HTT: variants seen among roughly 807,000 people sequenced by gnomAD.
HTT encodes the protein huntingtin.
In HTT, 104 loss-of-function variants were observed where a neutral mutation model predicts 362.3. That is an observed-to-expected ratio of 0.29 (90% CI 0.24 to 0.34). The LOEUF is 0.34. HTT is among the 10% of genes least tolerant of loss of function. The pLI is 1.00. For synonymous variants in HTT, 1,577 were observed against 1,548.7 expected (o/e 1.02, Z -0.43); for missense variants, 3,301 against 3,928.6 (o/e 0.84, Z 4.27).
intron 1 of HTT, among the ~76,000 whole-genome samples, chr4:3,082,593 C>T (rs1712970180): frequency 6.6e-6 from 1 of 152,104 alleles, no homozygotes. Flanking sequence ...CTTGACCTGA[C>T]AAATCAGAGT....
Position 3,133,435 on chromosome 4 carries a change from G to T in HTT, c.2493+524G>T, listed in dbSNP as rs898534528. 2.6e-5 allele frequency among the ~76,000 whole-genome samples: 4 copies of T among 151,720 alleles called. No homozygotes were observed. The East Asian group carries it at 5.8e-4, about 22-fold the overall frequency. ...TGCTTGAGCCCCAGAGATCAAGGCT[G>T]CAGTAAGGCGTGGTTACACCACTGC... On this transcript the variant is annotated intron_variant, in intron 18 of 66. Coordinates refer to ENST00000355072, the MANE Select transcript of HTT (RefSeq NM_001388492.1).
intron 23 of HTT, among the ~76,000 whole-genome samples, chr4:3,143,436 CAAAAAAAAAA>C (rs1056047426): frequency 1.4e-5 from 1 of 70,228 alleles, no homozygotes; most frequent in Non-Finnish European, 2.7e-5. Context: ...GACTCTGTCT[CAAAAAAAAAA>C]AAAAAAAAAG....
At chr4:3,141,547 G>T (rs1400685831) in intron 22 of HTT, among the ~76,000 whole-genome samples, 2 of 152,226 alleles carry the variant, frequency 1.3e-5, no homozygotes, top group African/African-American at 2.4e-5. Context: ...CAGGTCGCTT[G>T]AGCTCAGGGG....
At chr4:3,155,901 A>C (rs1233786476) in intron 27 of HTT, among the ~76,000 whole-genome samples, 1 of 151,124 alleles carries the variant, frequency 6.6e-6, no homozygotes, top group Non-Finnish European at 1.5e-5. Flanking sequence ...CCGTCTCAAA[A>C]AAAAAAAAAA....
intron 1 of HTT, among the ~76,000 whole-genome samples, chr4:3,077,825 C>T (rs2110132570): frequency 6.6e-6 from 1 of 152,196 alleles, no homozygotes; most frequent in Middle Eastern, 3.4e-3. Context: ...TCATATTTCT[C>T]TGTATTTTGC....
intron 2 of HTT, among the ~76,000 whole-genome samples, chr4:3,090,894 C>G (rs1713469021): frequency 6.6e-6 from 1 of 152,142 alleles, no homozygotes; most frequent in Admixed American, 6.5e-5. Flanking sequence ...GGCAGATCAC[C>G]TGAGGTCAAG....
chr4:3,223,854 G>C (rs1578604671), intron 55 of HTT, 138 bp from the exon 56 acceptor site: 1 of 848,814 alleles, frequency 1.2e-6, no homozygotes. Context: ...CTCACGGACA[G>C]GTGCTCACTT....
intron 35 of HTT, 102 bp downstream of exon 35, chr4:3,178,548 G>A (rs1164561968): frequency 1.2e-5 from 12 of 975,848 alleles, no homozygotes; most frequent in Non-Finnish European, 1.9e-5. Flanking sequence ...GCAGCCATGT[G>A]CTTCTCAGGC....
At chr4:3,180,728 C>A (rs1476775516) in intron 36 of HTT, 77 bp downstream of exon 36, 1 of 1,322,782 alleles carries the variant, frequency 7.6e-7, no homozygotes, top group East Asian at 2.8e-5. Flanking sequence ...CATGTGGTAA[C>A]GCTCACTGTT....
chr4:3,222,278 T>G (rs2110287608), intron 53 of HTT, 109 bp from the exon 54 acceptor site: 1 of 792,948 alleles, frequency 1.3e-6, no homozygotes, highest in South Asian at 1.6e-5. Context: ...CTCACTGCCC[T>G]TGGCGTGGAG....
chr4:3,182,117 G>A (rs1222651740), intron 36 of HTT, among the ~76,000 whole-genome samples: 4 of 152,288 alleles, frequency 2.6e-5, no homozygotes, highest in African/African-American at 9.6e-5. Context: ...AAATCCTCCT[G>A]AGCAAAGTGT....
At chr4:3,109,161 G>T (rs1024878754) in intron 6 of HTT, among the ~76,000 whole-genome samples, 1 of 151,688 alleles carries the variant, frequency 6.6e-6, no homozygotes, top group Non-Finnish European at 1.5e-5. Context: ...CTTAATCCTT[G>T]TGTCTCACAG....
rs574796214 is a variant in HTT, at chr4:3,122,124, C to T, written c.1273+692C>T. On this transcript the variant is annotated intron_variant, in intron 9 of 66. Transcript: ENST00000355072. Reference sequence around the variant, plus strand: ...TGACTTGAGAAAATCCGTCTGTCCCCAGCTCTGCGTCTGCCTCCACTGCCC... The same window carrying T: ...TGACTTGAGAAAATCCGTCTGTCCCTAGCTCTGCGTCTGCCTCCACTGCCC... Among the ~76,000 whole-genome samples, 27 of 152,346 alleles carry T rather than the reference C, an allele frequency of 1.8e-4. No homozygotes were observed. In the South Asian group the frequency reaches 5.4e-3, roughly 30 times the overall value.
intron 21 of HTT, among the ~76,000 whole-genome samples, chr4:3,140,278 A>G (rs574184772): frequency 1.3e-5 from 2 of 150,824 alleles, no homozygotes; most frequent in Non-Finnish European, 3.0e-5. Flanking sequence ...AAAAAAAAAG[A>G]AAAAAAGAAA....
At chr4:3,080,219 C>T (rs1036815836) in intron 1 of HTT, among the ~76,000 whole-genome samples, 1 of 152,190 alleles carries the variant, frequency 6.6e-6, no homozygotes, top group South Asian at 2.1e-4. Context: ...CTCAGCCTCC[C>T]AAGTAACTGG....
intron 11 of HTT, among the ~76,000 whole-genome samples, chr4:3,126,123 G>A (rs1715508749): frequency 1.3e-5 from 2 of 152,160 alleles, no homozygotes; most frequent in Non-Finnish European, 2.9e-5. Context: ...TGTGCTCTTG[G>A]TGCACTGCAG....
intron 55 of HTT, 44 bp downstream of exon 55, chr4:3,223,604 G>A (rs2110289083): frequency 2.0e-6 from 3 of 1,528,148 alleles, no homozygotes; most frequent in Non-Finnish European, 2.7e-6. Context: ...AGCAGGTGCT[G>A]GGGACAGTGG....
At chr4:3,164,609 T>C (rs529316473) in intron 29 of HTT, among the ~76,000 whole-genome samples, 62 of 152,310 alleles carry the variant, frequency 4.1e-4, no homozygotes, top group South Asian at 2.1e-3. Context: ...TGCTCCTGTA[T>C]TGGGGGCGTG....
intron 37 of HTT, among the ~76,000 whole-genome samples, chr4:3,185,151 A>G (rs115163686): frequency 5.3e-4 from 81 of 152,314 alleles, no homozygotes; most frequent in African/African-American, 1.7e-3. Flanking sequence ...GGCAGTAGCC[A>G]GAGGAGGAGA....
Sources: gnomAD v4.1 joint callset for allele counts (sites outside exome capture counted in the v4.1 genomes callset) on GRCh38, gnomAD v4.1.1 for gene constraint, MANE v1.5 for transcripts, NCBI Gene and HGNC (gene_info 2026-07-23, HGNC 2026-07-21) for gene names.